The following KCNMB2 variants were observed in gnomAD, a reference collection of about 807,000 sequenced individuals.
KCNMB2 encodes calcium-activated potassium channel subunit beta-2.
In KCNMB2, 9 loss-of-function variants were observed where a neutral mutation model predicts 24.5. The ratio of observed to expected loss-of-function variants is 0.37; its 90% CI spans 0.22 to 0.64. The LOEUF is 0.64. KCNMB2 is among the 30% of genes least tolerant of loss of function. The probability of loss-of-function intolerance (pLI) is 0.63; values close to 1 mark genes in which losing one functional copy is unlikely to be tolerated. For synonymous variants in KCNMB2, 109 were observed against 104.4 expected (o/e 1.04, Z -0.27); for missense variants, 226 against 284.3 (o/e 0.79, Z 1.47).
intron 4 of KCNMB2, among the ~76,000 whole-genome samples, chr3:178,829,234 C>T (rs1177039584): frequency 6.6e-6 from 1 of 152,106 alleles, no homozygotes; most frequent in Non-Finnish European, 1.5e-5. Flanking sequence ...CTCGATGCCA[C>T]TCTTGGCTCT....
At chr3:178,806,141 A>G (rs575923225) in intron 1 of KCNMB2, among the ~76,000 whole-genome samples, 81 of 152,306 alleles carry the variant, frequency 5.3e-4, no homozygotes, top group African/African-American at 1.9e-3. Flanking sequence ...TCTCATCTCT[A>G]AAGAATATAT....
At chr3:178,652,154 A>T (rs965525224) in intron 1 of KCNMB2, among the ~76,000 whole-genome samples, 1 of 152,160 alleles carries the variant, frequency 6.6e-6, no homozygotes, top group Non-Finnish European at 1.5e-5. Flanking sequence ...ATGGGAGAAA[A>T]TTTTTATCTA....
intron 1 of KCNMB2, among the ~76,000 whole-genome samples, chr3:178,671,094 C>T (rs1052949589): frequency 1.4e-5 from 2 of 147,144 alleles, no homozygotes; most frequent in African/African-American, 5.0e-5. Context: ...CTGCCCCCCT[C>T]ACCACCACCC....
chr3:178,683,913 C>T lies in KCNMB2; in HGVS notation c.-67-123430C>T, dbSNP rs564182650. On this transcript the variant is annotated intron_variant, in intron 1 of 4. Coordinates refer to ENST00000452583, the MANE Select transcript of KCNMB2 (RefSeq NM_181361.3). ...AACAGTATGGAGGTTTCTAAAGAAA[C>T]AAAAAATAGAACTACCCCATGATCC... Among the ~76,000 whole-genome samples the T allele has an allele frequency of 3.9e-5, 6 of 152,186 alleles. No individual in the cohort carries two copies. In the South Asian group the frequency reaches 1.2e-3, roughly 32 times the overall value.
intron 1 of KCNMB2, among the ~76,000 whole-genome samples, chr3:178,667,932 A>G (rs993225603): frequency 1.3e-5 from 2 of 152,134 alleles, no homozygotes; most frequent in Admixed American, 6.6e-5. Context: ...GGGGCGAATA[A>G]TTACTGTGAG....
intron 1 of KCNMB2, among the ~76,000 whole-genome samples, chr3:178,554,041 G>A (rs938981391): frequency 6.6e-6 from 1 of 152,010 alleles, no homozygotes; most frequent in Non-Finnish European, 1.5e-5. Flanking sequence ...TGTGTCAGGT[G>A]TTATGCTTAC....
intron 1 of KCNMB2, among the ~76,000 whole-genome samples, chr3:178,599,750 CA>C (rs1449704028): frequency 6.6e-6 from 1 of 152,156 alleles, no homozygotes; most frequent in Non-Finnish European, 1.5e-5. Context: ...ACCCATGAAA[CA>C]CACAACTCGT....
At chr3:178,606,824 A>G (rs985113485) in intron 1 of KCNMB2, among the ~76,000 whole-genome samples, 6 of 152,188 alleles carry the variant, frequency 3.9e-5, no homozygotes, top group African/African-American at 1.4e-4. Flanking sequence ...GCCCTTACAA[A>G]TGGGATTTGA....
At chr3:178,547,322 T>A (rs1339420086) in intron 1 of KCNMB2, among the ~76,000 whole-genome samples, 1 of 152,198 alleles carries the variant, frequency 6.6e-6, no homozygotes, top group African/African-American at 2.4e-5. Context: ...TATAGCAGCA[T>A]AAAATGAACT....
rs575751265 is a variant in KCNMB2, at chr3:178,731,887, G to A, written c.-67-75456G>A. Among the ~76,000 whole-genome samples, 13 of 152,290 alleles carry A rather than the reference G, an allele frequency of 8.5e-5. No individual in the cohort carries two copies. In the East Asian group the frequency reaches 2.5e-3, roughly 29 times the overall value. ...CGCTGCACTCCAGCTTGGGCAACAA[G>A]AGCGAAACTCCGTCTCAAAATTAAA... is the stretch of plus-strand genomic sequence containing the variant. On this transcript the variant is annotated intron_variant, in intron 1 of 4. Transcript: ENST00000452583.
intron 1 of KCNMB2, among the ~76,000 whole-genome samples, chr3:178,591,900 G>A (rs1441233966): frequency 6.6e-6 from 1 of 152,180 alleles, no homozygotes; most frequent in East Asian, 1.9e-4. Flanking sequence ...GAGCAGCTCT[G>A]CCTTTATTTT....
chr3:178,583,659 G>C (rs1489892250), intron 1 of KCNMB2, among the ~76,000 whole-genome samples: 1 of 152,048 alleles, frequency 6.6e-6, no homozygotes, highest in African/African-American at 2.4e-5. Context: ...GTGTAATCCT[G>C]GCAAGTTACT....
chr3:178,684,351 G>T (rs1721382761), intron 1 of KCNMB2, among the ~76,000 whole-genome samples: 1 of 148,416 alleles, frequency 6.7e-6, no homozygotes, highest in Non-Finnish European at 1.5e-5. Flanking sequence ...GGTGGGAGAG[G>T]AAATGGGGAG....
chr3:178,783,961 C>T (rs1023401011), intron 1 of KCNMB2, among the ~76,000 whole-genome samples: 10 of 152,258 alleles, frequency 6.6e-5, no homozygotes, highest in African/African-American at 9.6e-5. Context: ...TTTTGAAATA[C>T]GTCCCATCAA....
At chr3:178,639,982 T>A (rs1034130460) in intron 1 of KCNMB2, among the ~76,000 whole-genome samples, 3 of 152,222 alleles carry the variant, frequency 2.0e-5, no homozygotes, top group Non-Finnish European at 4.4e-5. Flanking sequence ...GATTTCCTCA[T>A]ACTGTTATGT....
chr3:178,640,610 T>G (rs1719690450), intron 1 of KCNMB2, among the ~76,000 whole-genome samples: 1 of 152,192 alleles, frequency 6.6e-6, no homozygotes, highest in Non-Finnish European at 1.5e-5. Context: ...TTTGTTTATA[T>G]ATATTTGAAA....
At chr3:178,673,618 T>C (rs996058688) in intron 1 of KCNMB2, among the ~76,000 whole-genome samples, 4 of 152,138 alleles carry the variant, frequency 2.6e-5, no homozygotes, top group Admixed American at 6.6e-5. Flanking sequence ...CTGGAGCCCA[T>C]GCCCACCCAA....
At chr3:178,568,092 T>C (rs578129089) in intron 1 of KCNMB2, among the ~76,000 whole-genome samples, 11 of 152,276 alleles carry the variant, frequency 7.2e-5, no homozygotes, top group Admixed American at 4.6e-4. Flanking sequence ...AATGCTGTCA[T>C]GTAAAGAGGT....
chr3:178,748,998 C>T (rs768538612), intron 1 of KCNMB2: 6 of 152,156 alleles, frequency 3.9e-5, no homozygotes, highest in Non-Finnish European at 7.3e-5. Flanking sequence ...TCAAGGAGAG[C>T]ACAAGGAACT....
Sources: gnomAD v4.1 joint callset for allele counts (sites outside exome capture counted in the v4.1 genomes callset) on GRCh38, gnomAD v4.1.1 for gene constraint, MANE v1.5 for transcripts, NCBI Gene and HGNC (gene_info 2026-07-23, HGNC 2026-07-21) for gene names.